LMBRD2: variants seen among roughly 807,000 people sequenced by gnomAD.
LMBRD2 encodes G protein-coupled receptor-associated protein LMBRD2.
Under a neutral mutation model 94.4 loss-of-function variants are expected in LMBRD2, and 55 were observed. The observed-to-expected ratio is 0.58, with a 90% confidence interval of 0.47 to 0.73. LMBRD2 has a LOEUF of 0.73. Among genes scored for constraint, LMBRD2 ranks in the 30% least tolerant of loss-of-function variants. The pLI, the probability that LMBRD2 is intolerant of heterozygous loss-of-function variation, is 0.00. For synonymous variants in LMBRD2, 246 were observed against 272.4 expected (o/e 0.90, Z 0.95); for missense variants, 640 against 831.9 (o/e 0.77, Z 2.84).
At chr5:36,128,652 G>A (rs1744064554) in intron 6 of LMBRD2, among the ~76,000 whole-genome samples, 1 of 152,140 alleles carries the variant, frequency 6.6e-6, no homozygotes, top group Admixed American at 6.5e-5. Context: ...TTGAGTCCAG[G>A]AGGTGGAGAC....
intron 9 of LMBRD2, among the ~76,000 whole-genome samples, chr5:36,120,314 G>A (rs748799113): frequency 4.0e-5 from 6 of 151,824 alleles, no homozygotes; most frequent in Non-Finnish European, 7.4e-5. Context: ...GTAGGCTGGA[G>A]TGCAGTGGCA....
chr5:36,134,688 AC>A (rs1744228096), intron 6 of LMBRD2, among the ~76,000 whole-genome samples: 1 of 152,126 alleles, frequency 6.6e-6, no homozygotes, highest in Admixed American at 6.5e-5. Flanking sequence ...TTTCCCTAGA[AC>A]CCTCAGAAGG....
At chr5:36,123,429 A>G (rs1436815816) in intron 7 of LMBRD2, among the ~76,000 whole-genome samples, 1 of 152,136 alleles carries the variant, frequency 6.6e-6, no homozygotes, top group African/African-American at 2.4e-5. Flanking sequence ...TGGGCAACTT[A>G]GTTAACCTCT....
chr5:36,143,472 T>G, intron 1 of LMBRD2, 66 bp from the exon 2 acceptor site: 1 of 628,908 alleles, frequency 1.6e-6, no homozygotes, highest in Non-Finnish European at 2.7e-6. Flanking sequence ...AAATTTCATC[T>G]GAATATTTAT....
At chr5:36,130,380 A>C (rs1744124275) in intron 6 of LMBRD2, among the ~76,000 whole-genome samples, 1 of 152,172 alleles carries the variant, frequency 6.6e-6, no homozygotes. Context: ...ACAGGCTATA[A>C]GATATTACTC....
rs1744275038 is a variant in LMBRD2 at position 36,136,498 on chromosome 5, C to G, written c.558G>C (p.Gly186=). The part of the protein sequence containing the change: ...HLEWNQLQTI[G]IAAANTWGLF... Reference sequence around the variant, plus strand: ...GACCCCATGTATTTGCAGCAGCTATCCCAATTGTCTGAAGCTGGTTCCTAA... The same window carrying G: ...GACCCCATGTATTTGCAGCAGCTATGCCAATTGTCTGAAGCTGGTTCCTAA... The change falls in exon 6 of 18, where the codon GGG becomes GGC. Residue 186 remains glycine, a synonymous_variant. Transcript: ENST00000296603. The G allele has an allele frequency of 6.2e-7, 1 of 1,613,966 alleles. No homozygotes were observed. Among genetic ancestry groups the G allele is most frequent in the East Asian group, 2.2e-5 (1 of 44,872 alleles).
intron 13 of LMBRD2, among the ~76,000 whole-genome samples, chr5:36,111,995 T>G (rs752144999): frequency 6.6e-5 from 10 of 151,790 alleles, no homozygotes; most frequent in Non-Finnish European, 1.3e-4. Context: ...TTCTCAAACT[T>G]TTTCAATGAT....
At chr5:36,115,476 T>C (rs1204860206) in intron 11 of LMBRD2, among the ~76,000 whole-genome samples, 1 of 152,228 alleles carries the variant, frequency 6.6e-6, no homozygotes, top group African/African-American at 2.4e-5. Context: ...CAAGGTGAAT[T>C]GTATTCAGTA....
At chr5:36,126,493 T>G (rs1225373537) in intron 6 of LMBRD2, among the ~76,000 whole-genome samples, 1 of 152,228 alleles carries the variant, frequency 6.6e-6, no homozygotes, top group Non-Finnish European at 1.5e-5. Flanking sequence ...TGTCAAATTC[T>G]TTTCTAAGCA....
At chr5:36,106,508 C>CTTTTTTTTTTTTT (rs201602814) in intron 16 of LMBRD2, among the ~76,000 whole-genome samples, 10 of 132,864 alleles carry the variant, frequency 7.5e-5, no homozygotes, top group Non-Finnish European at 9.5e-5. Flanking sequence ...TTTTTTCTTT[C>CTTTTTTTTTTTTT]GTTTTTTTTT....
At chr5:36,146,113 G>A (rs554301465) in intron 1 of LMBRD2, among the ~76,000 whole-genome samples, 2 of 152,114 alleles carry the variant, frequency 1.3e-5, no homozygotes, top group Non-Finnish European at 2.9e-5. Flanking sequence ...TAGAATTATG[G>A]ATCCTTTATT....
chr5:36,127,922 G>A (rs1030289595), intron 6 of LMBRD2, among the ~76,000 whole-genome samples: 10 of 152,178 alleles, frequency 6.6e-5, no homozygotes, highest in African/African-American at 2.2e-4. Context: ...CGGTAGCCAG[G>A]CAGTGGTTAC....
chr5:36,142,713 A>AT, intron 2 of LMBRD2, 114 bp from the exon 3 acceptor site: 12 of 516,074 alleles, frequency 2.3e-5, no homozygotes, highest in South Asian at 4.9e-5. Context: ...GCTATGCTTT[A>AT]TTCTTTTTTT....
chr5:36,144,833 T>C (rs945116134), intron 1 of LMBRD2, among the ~76,000 whole-genome samples: 17 of 152,348 alleles, frequency 1.1e-4, no homozygotes, highest in African/African-American at 4.1e-4. Flanking sequence ...AAAATACTCC[T>C]ACATGAACTA....
chr5:36,136,750 G>T (rs544980999), intron 5 of LMBRD2, among the ~76,000 whole-genome samples: 2 of 152,240 alleles, frequency 1.3e-5, no homozygotes, highest in East Asian at 3.9e-4. Flanking sequence ...AAATTAACCT[G>T]TGTTGCTGAC....
Position 36,102,329 on chromosome 5 carries a change from G to A in LMBRD2, c.*1717C>T, listed in dbSNP as rs1368579856. 6.6e-6 allele frequency: 1 copy of A among 151,880 alleles called. No individual in the cohort carries two copies. The highest frequency in any genetic ancestry group is 1.5e-5 in the Non-Finnish European group (1 of 67,826). The allele number at this position is 151,880 out of a possible 1,614,324, so 9.4% of individuals were successfully genotyped here. On this transcript the variant is annotated 3_prime_UTR_variant, in exon 18 of 18. Coordinates refer to ENST00000296603, the MANE Select transcript of LMBRD2 (RefSeq NM_001007527.2). ...CATTCTGCAAATGAAAGTGCAGAATGAAGCACTTGAGGCACTGAAGAGCTA... is the reference window on the plus strand; with the variant it reads ...CATTCTGCAAATGAAAGTGCAGAATAAAGCACTTGAGGCACTGAAGAGCTA...
chr5:36,108,692 T>C (rs1036430323), intron 15 of LMBRD2, 53 bp from the exon 16 acceptor site: 13 of 776,282 alleles, frequency 1.7e-5, no homozygotes, highest in Non-Finnish European at 2.6e-5. Flanking sequence ...AATTCATTAA[T>C]GTCAAGAGAT....
intron 6 of LMBRD2, among the ~76,000 whole-genome samples, chr5:36,130,983 C>T (rs1744138554): frequency 6.6e-6 from 1 of 152,112 alleles, no homozygotes; most frequent in Admixed American, 6.5e-5. Flanking sequence ...CAAACTCAAT[C>T]TACGAGGCCA....
In LMBRD2 at chr5:36,106,508, C is replaced by CTTTT. The variant is rs201602814; in HGVS notation, c.1898-1312_1898-1311insAAAA. 9.2e-4 allele frequency among the ~76,000 whole-genome samples: 122 copies of CTTTT among 132,792 alleles called. 4 individuals are homozygous for CTTTT. The highest frequency in any genetic ancestry group is 1.5e-3 in the Non-Finnish European group (96 of 62,772). 87.1% of individuals were successfully genotyped at this position (132,792 alleles called of 152,430 possible). A position where few individuals can be genotyped will look rare whatever the true frequency, so the allele number is the denominator to read the frequency against. On this transcript the variant is annotated intron_variant, in intron 16 of 17. Coordinates refer to ENST00000296603, the MANE Select transcript of LMBRD2 (RefSeq NM_001007527.2). ...TCAAAATCCCAACTTTTTTTTCTTT[C>CTTTT]GTTTTTTTTTTTTTTTTTTTTGATG...
Sources: allele counts gnomAD v4.1 joint callset (sites outside exome capture counted in the v4.1 genomes callset), GRCh38; gene constraint gnomAD v4.1.1; transcripts MANE v1.5; gene names NCBI Gene and HGNC (gene_info 2026-07-23, HGNC 2026-07-21).